Variants in MSRB3 observed in about 807,000 individuals in gnomAD.
MSRB3 encodes methionine sulfoxide reductase B3.
In MSRB3, 13 loss-of-function variants were observed where a neutral mutation model predicts 21.0. That is an observed-to-expected ratio of 0.62 (90% CI 0.40 to 0.98). The LOEUF (loss-of-function observed/expected upper bound fraction) is 0.98, where lower values mean the gene tolerates loss of function less well. MSRB3 is among the 50% of genes least tolerant of loss of function. The probability of loss-of-function intolerance (pLI) is 0.00; values close to 1 mark genes in which losing one functional copy is unlikely to be tolerated. For synonymous variants in MSRB3, 87 were observed against 88.6 expected (o/e 0.98, Z 0.10); for missense variants, 199 against 230.3 (o/e 0.86, Z 0.88).
intron 4 of MSRB3, among the ~76,000 whole-genome samples, chr12:65,348,075 G>C (rs1876652541): frequency 6.6e-6 from 1 of 152,122 alleles, no homozygotes; most frequent in Admixed American, 6.5e-5. Context: ...GCCAGGCTTT[G>C]GTATCAGGAT....
intron 5 of MSRB3, among the ~76,000 whole-genome samples, chr12:65,381,367 G>A (rs934169387): frequency 4.6e-5 from 7 of 152,242 alleles, no homozygotes; most frequent in African/African-American, 1.7e-4. Context: ...GGATTGTTTG[G>A]CTATTCATTA....
At chr12:65,452,482 T>C (rs1882899821) in intron 5 of MSRB3, among the ~76,000 whole-genome samples, 1 of 152,182 alleles carries the variant, frequency 6.6e-6, no homozygotes. Context: ...AAATTCATTT[T>C]CTTAAGAATG....
rs551138106 is a variant in MSRB3 at position 65,360,283 on chromosome 12, T to C, written c.264-8715T>C. 4.6e-5 allele frequency among the ~76,000 whole-genome samples: 7 copies of C among 152,288 alleles called. No individual in the cohort carries two copies. The East Asian group carries it at 1.4e-3, about 29-fold the overall frequency. ...TCCAATAACATGAAGGTATACTCTG[T>C]TCTCTTTAGTGTTATTTTCTTAGCA... On this transcript the variant is annotated intron_variant, in intron 4 of 6. Coordinates refer to ENST00000308259, the MANE Select transcript of MSRB3 (RefSeq NM_001031679.3).
chr12:65,361,220 A>C (rs912004545), intron 4 of MSRB3, among the ~76,000 whole-genome samples: 1 of 152,080 alleles, frequency 6.6e-6, no homozygotes, highest in Non-Finnish European at 1.5e-5. Context: ...TGTCAGGACC[A>C]CCTAGGTACT....
Position 65,278,782 on chromosome 12 carries a change from G to GA in MSRB3, c.-135_-134insA. 1 of 1,575,048 alleles carries GA rather than the reference G, an allele frequency of 6.3e-7. No individual in the cohort carries two copies. On this transcript the variant is annotated 5_prime_UTR_variant, in exon 1 of 7. An upstream open reading frame in the 5' UTR loses its in-frame stop. Coordinates refer to ENST00000308259, the MANE Select transcript of MSRB3 (RefSeq NM_001031679.3). ...CCTGGCCTTTCCATGAGCCCGCGGCGGACCCTCCCGCGCCCCCTCTCGCTC... is the reference window on the plus strand; with the variant it reads ...CCTGGCCTTTCCATGAGCCCGCGGCGAGACCCTCCCGCGCCCCCTCTCGCTC...
rs143202668 is a variant in MSRB3 at position 65,282,883 on chromosome 12, G to A, written c.-52+4018G>A. On this transcript the variant is annotated intron_variant, in intron 1 of 6. Coordinates refer to ENST00000308259, the MANE Select transcript of MSRB3 (RefSeq NM_001031679.3). Reference sequence around the variant, plus strand: ...TCTAATTCTAGAGTATCTGATGTACGTAGTACAGCCATGTAGATGGTTTGA... The same window carrying A: ...TCTAATTCTAGAGTATCTGATGTACATAGTACAGCCATGTAGATGGTTTGA... Among the ~76,000 whole-genome samples, 12 of 152,186 alleles carry A rather than the reference G, an allele frequency of 7.9e-5. No homozygotes were observed. The East Asian group carries it at 1.4e-3, about 17-fold the overall frequency.
intron 2 of MSRB3, among the ~76,000 whole-genome samples, chr12:65,317,676 T>C (rs1874387282): frequency 6.6e-6 from 1 of 152,218 alleles, no homozygotes; most frequent in South Asian, 2.1e-4. Flanking sequence ...AAGAGTTGAA[T>C]GTGAAACCCT....
At chr12:65,370,590 C>A (rs1878263826) in intron 5 of MSRB3, among the ~76,000 whole-genome samples, 1 of 152,150 alleles carries the variant, frequency 6.6e-6, no homozygotes, top group Non-Finnish European at 1.5e-5. Flanking sequence ...CAAAGTCAGA[C>A]AATTTATGTT....
At chr12:65,324,042 A>C (rs1874858395) in intron 2 of MSRB3, among the ~76,000 whole-genome samples, 1 of 152,204 alleles carries the variant, frequency 6.6e-6, no homozygotes, top group Non-Finnish European at 1.5e-5. Context: ...AGTATAACCA[A>C]AGAATGAAAA....
chr12:65,460,671 C>T (rs74099841), intron 6 of MSRB3, among the ~76,000 whole-genome samples: 2 of 151,822 alleles, frequency 1.3e-5, no homozygotes, highest in African/African-American at 2.4e-5. Context: ...CCCCCATCCT[C>T]AACCCATATA....
intron 1 of MSRB3, among the ~76,000 whole-genome samples, chr12:65,303,166 T>C (rs751569192): frequency 9.2e-5 from 14 of 152,172 alleles, no homozygotes; most frequent in Non-Finnish European, 1.8e-4. Context: ...ATTCGACCTT[T>C]AGGTTTGACA....
intron 1 of MSRB3, among the ~76,000 whole-genome samples, chr12:65,293,255 C>T (rs1263817594): frequency 1.3e-5 from 2 of 152,144 alleles, no homozygotes; most frequent in Non-Finnish European, 2.9e-5. Context: ...AAGTGTCTCA[C>T]CACCTTTGTT....
intron 5 of MSRB3, among the ~76,000 whole-genome samples, chr12:65,431,691 G>A (rs1037396106): frequency 2.6e-5 from 4 of 151,998 alleles, no homozygotes; most frequent in African/African-American, 4.8e-5. Context: ...CCTGGGAAGT[G>A]AACATGATAC....
intron 4 of MSRB3, among the ~76,000 whole-genome samples, chr12:65,351,230 TG>T (rs1403244629): frequency 7.0e-4 from 106 of 150,890 alleles, no homozygotes; most frequent in African/African-American, 2.1e-3. Flanking sequence ...CATAACGAAA[TG>T]AAGGCAGAAA....
chr12:65,389,869 A>G (rs1879385246), intron 5 of MSRB3, among the ~76,000 whole-genome samples: 1 of 152,168 alleles, frequency 6.6e-6, no homozygotes, highest in Admixed American at 6.5e-5. Context: ...GCCACTAAAG[A>G]TTTATGGTCT....
At chr12:65,461,388 G>T (rs1415127736) in intron 6 of MSRB3, among the ~76,000 whole-genome samples, 1 of 152,168 alleles carries the variant, frequency 6.6e-6, no homozygotes, top group Non-Finnish European at 1.5e-5. Flanking sequence ...AACCTGCATC[G>T]AATGTGGTAA....
chr12:65,303,136 T>C (rs965262797), intron 1 of MSRB3, among the ~76,000 whole-genome samples: 13 of 152,114 alleles, frequency 8.5e-5, no homozygotes, highest in African/African-American at 2.9e-4. Flanking sequence ...AGACATTCCT[T>C]TGGCATTTAT....
intron 1 of MSRB3, among the ~76,000 whole-genome samples, chr12:65,302,794 G>T (rs1419435313): frequency 2.6e-5 from 4 of 151,286 alleles, no homozygotes; most frequent in Non-Finnish European, 5.9e-5. Flanking sequence ...TAAGAACAAA[G>T]ATTTTTTTAT....
intron 5 of MSRB3, among the ~76,000 whole-genome samples, chr12:65,434,142 A>G (rs1882012372): frequency 6.6e-6 from 1 of 151,868 alleles, no homozygotes; most frequent in Non-Finnish European, 1.5e-5. Flanking sequence ...TTAGACAAGT[A>G]GAATCTTACT....
Sources: allele counts gnomAD v4.1 joint callset (sites outside exome capture counted in the v4.1 genomes callset), GRCh38; gene constraint gnomAD v4.1.1; transcripts MANE v1.5; gene names NCBI Gene and HGNC (gene_info 2026-07-23, HGNC 2026-07-21).